RBFOX1: variants seen among roughly 807,000 people sequenced by gnomAD.
RBFOX1 encodes RNA binding protein fox-1 homolog 1.
Under a neutral mutation model 57.7 loss-of-function variants are expected in RBFOX1, and 8 were observed. That is an observed-to-expected ratio of 0.14 (90% CI 0.08 to 0.25). The LOEUF (loss-of-function observed/expected upper bound fraction) is 0.25, where lower values mean the gene tolerates loss of function less well. Among genes scored for constraint, RBFOX1 ranks in the 10% least tolerant of loss-of-function variants. The pLI is 1.00. For missense variants in RBFOX1, 611 were observed against 548.5 expected, an observed-to-expected ratio of 1.11 and a Z score of -1.14; for synonymous variants, 326 against 222.4, an observed-to-expected ratio of 1.47 and a Z score of -4.15.
intron 3 of RBFOX1, among the ~76,000 whole-genome samples, chr16:6,735,143 T>A (rs1396553865): frequency 1.3e-5 from 2 of 152,086 alleles, no homozygotes; most frequent in Non-Finnish European, 2.9e-5. Context: ...AGTGAGACCC[T>A]GTCTCAACAA....
intron 2 of RBFOX1, among the ~76,000 whole-genome samples, chr16:6,382,352 A>G (rs1396350103): frequency 7.9e-5 from 12 of 152,196 alleles, no homozygotes; most frequent in Admixed American, 7.9e-4. Flanking sequence ...AAAAGAAAGA[A>G]GGTGTGTAAG....
chr16:6,348,875 T>C (rs1263658222), intron 2 of RBFOX1, among the ~76,000 whole-genome samples: 2 of 152,102 alleles, frequency 1.3e-5, no homozygotes, highest in Non-Finnish European at 2.9e-5. Flanking sequence ...ATCCAAACCA[T>C]ATCAGATGGC....
intron 2 of RBFOX1, among the ~76,000 whole-genome samples, chr16:6,548,655 G>T (rs1292733478): frequency 6.6e-6 from 1 of 152,188 alleles, no homozygotes; most frequent in African/African-American, 2.4e-5. Flanking sequence ...GAAGCACACG[G>T]GGTAGACTTC....
At chr16:7,477,883 CAG>C (rs781127521) in intron 4 of RBFOX1, among the ~76,000 whole-genome samples, 43 of 152,272 alleles carry the variant, frequency 2.8e-4, no homozygotes, top group African/African-American at 9.1e-4. Context: ...GGGCTGGCAG[CAG>C]AGTCTAACAA....
At chr16:7,441,473 A>G (rs752543952) in intron 4 of RBFOX1, among the ~76,000 whole-genome samples, 2 of 152,182 alleles carry the variant, frequency 1.3e-5, no homozygotes, top group African/African-American at 2.4e-5. Flanking sequence ...TGGATGTGCC[A>G]GCGTCACTGG....
At chr16:5,894,315 C>T (rs1346805026) in intron 4 of RBFOX1, among the ~76,000 whole-genome samples, 2 of 152,114 alleles carry the variant, frequency 1.3e-5, no homozygotes, top group African/African-American at 2.4e-5. Flanking sequence ...TGGAGTGTTG[C>T]TGTGTTGCCC....
intron 4 of RBFOX1, among the ~76,000 whole-genome samples, chr16:5,984,760 C>T (rs989162038): frequency 2.1e-4 from 32 of 151,872 alleles, no homozygotes; most frequent in Admixed American, 2.1e-3. Flanking sequence ...AGCCTCCTGC[C>T]CACCTAGGCG....
At chr16:6,772,926 A>G (rs1423354618) in intron 3 of RBFOX1, among the ~76,000 whole-genome samples, 1 of 98,718 alleles carries the variant, frequency 1.0e-5, no homozygotes, top group African/African-American at 4.2e-5. Context: ...CTTGGAGTAC[A>G]TTTGTGTGTG....
At chr16:6,365,843 T>C (rs1466393411) in intron 2 of RBFOX1, among the ~76,000 whole-genome samples, 1 of 152,208 alleles carries the variant, frequency 6.6e-6, no homozygotes, top group African/African-American at 2.4e-5. Context: ...AATTAAAAGA[T>C]ATCTAGATCT....
intron 14 of RBFOX1, among the ~76,000 whole-genome samples, chr16:7,691,331 G>A (rs555028823): frequency 3.8e-4 from 57 of 150,386 alleles, no homozygotes; most frequent in Non-Finnish European, 7.1e-4. Context: ...AGAGACCAGG[G>A]GTAAAAAATA....
intron 9 of RBFOX1, among the ~76,000 whole-genome samples, chr16:7,599,477 G>C (rs906251504): frequency 9.9e-5 from 15 of 152,112 alleles, no homozygotes; most frequent in African/African-American, 3.6e-4. Flanking sequence ...ACAATTCAAA[G>C]CCCATTTATA....
intron 2 of RBFOX1, among the ~76,000 whole-genome samples, chr16:6,458,228 T>G (rs1351436337): frequency 6.6e-6 from 1 of 152,070 alleles, no homozygotes; most frequent in Non-Finnish European, 1.5e-5. Context: ...CAGCATGAAG[T>G]TTTTTACCTT....
intron 2 of RBFOX1, among the ~76,000 whole-genome samples, chr16:6,590,531 G>C (rs1455510450): frequency 6.6e-6 from 1 of 152,144 alleles, no homozygotes; most frequent in Non-Finnish European, 1.5e-5. Flanking sequence ...AATTCAATGA[G>C]AGCCCCCTGC....
At chr16:7,063,646 A>G (rs1039880372) in intron 4 of RBFOX1, among the ~76,000 whole-genome samples, 2 of 152,178 alleles carry the variant, frequency 1.3e-5, no homozygotes, top group African/African-American at 4.8e-5. Flanking sequence ...TTGGCCCTTC[A>G]TATCTGTAGG....
chr16:6,737,604 T>C (rs2070766962), intron 3 of RBFOX1, among the ~76,000 whole-genome samples: 1 of 152,160 alleles, frequency 6.6e-6, no homozygotes, highest in Non-Finnish European at 1.5e-5. Context: ...CGAGGCTCAT[T>C]TGATGTGAGG....
rs987147361 is a variant in RBFOX1 at position 7,256,757 on chromosome 16, G to A, written c.27+204659G>A. 5.9e-5 allele frequency among the ~76,000 whole-genome samples: 9 copies of A among 152,240 alleles called. No individual in the cohort carries two copies. In the South Asian group the frequency reaches 8.3e-4, roughly 14 times the overall value. ...CACTGGTGCCAAATGTCAGTAATAC[G>A]GTTGTCCTGTGAGTTGCATTTAACT... On this transcript the variant is annotated intron_variant, in intron 4 of 15. Coordinates refer to ENST00000550418, the MANE Select transcript of RBFOX1 (RefSeq NM_018723.4).
At chr16:5,264,402 G>T (rs1297467223) in intron 1 of RBFOX1, among the ~76,000 whole-genome samples, 1 of 152,168 alleles carries the variant, frequency 6.6e-6, no homozygotes, top group African/African-American at 2.4e-5. Context: ...CCTGATGAGA[G>T]CAGTGGTCCC....
chr16:5,851,553 G>A (rs78824056), intron 3 of RBFOX1, among the ~76,000 whole-genome samples: 6,538 of 152,160 alleles, frequency 0.043, 253 homozygotes, highest in East Asian at 0.22. Context: ...AAAAGCAAAC[G>A]GTCAACAGCA....
At position 6,556,982 on chromosome 16, in the gene RBFOX1, C is replaced by T. The variant is rs1483711911; in HGVS notation, c.-63-97621C>T. 5.0e-5 allele frequency among the ~76,000 whole-genome samples: 7 copies of T among 140,802 alleles called. No homozygotes were observed. In the South Asian group the frequency reaches 6.6e-4, roughly 13 times the overall value. 92.4% of individuals were successfully genotyped at this position (140,802 alleles called of 152,430 possible). ...TTATATATATAAATATACACACATACGTATATATACATACATATATATACA... is the reference window on the plus strand; with the variant it reads ...TTATATATATAAATATACACACATATGTATATATACATACATATATATACA... On this transcript the variant is annotated intron_variant, in intron 2 of 15. Coordinates refer to ENST00000550418, the MANE Select transcript of RBFOX1 (RefSeq NM_018723.4).
Sources: gnomAD v4.1 joint callset for allele counts (sites outside exome capture counted in the v4.1 genomes callset) on GRCh38, gnomAD v4.1.1 for gene constraint, MANE v1.5 for transcripts, NCBI Gene and HGNC (gene_info 2026-07-23, HGNC 2026-07-21) for gene names.